Variants in TRIP11 observed in about 807,000 individuals in gnomAD.
TRIP11 encodes the protein thyroid hormone receptor interactor 11.
In TRIP11, 148 loss-of-function variants were observed where a neutral mutation model predicts 223.1. That is an observed-to-expected ratio of 0.66 (90% CI 0.58 to 0.76). The LOEUF (loss-of-function observed/expected upper bound fraction) is 0.76. TRIP11 is among the 30% of genes least tolerant of loss of function. The pLI, the probability that TRIP11 is intolerant of heterozygous loss-of-function variation, is 0.00. For synonymous variants in TRIP11, 762 were observed against 772.6 expected (o/e 0.99, Z 0.23); for missense variants, 2,043 against 2,222.0 (o/e 0.92, Z 1.62).
Position 91,967,079 on chromosome 14 carries a change from A to G in TRIP11, c.*2594T>C, listed in dbSNP as rs2056348398. ...TGGTTTAGATCAACGAACACTTAGT[A>G]TACATACCAGTCAGCTATAGTTTCA... On this transcript the variant is annotated 3_prime_UTR_variant, in exon 21 of 21. Coordinates refer to ENST00000267622, the MANE Select transcript of TRIP11 (RefSeq NM_004239.4). The G allele has an allele frequency of 5.5e-6, 1 of 181,920 alleles. No individual in the cohort carries two copies. The highest frequency in any genetic ancestry group is 2.4e-5 in the African/African-American group (1 of 41,978). 11.3% of individuals were successfully genotyped at this position (181,920 alleles called of 1,614,324 possible). A position where few individuals can be genotyped will look rare whatever the true frequency, so the allele number is the denominator to read the frequency against.
rs2056904397 is a variant in TRIP11, at chr14:92,006,436, T to A, written c.1540A>T (p.Ile514Leu). ...TGTTGTTTTGATAGCTGATCTTTTA[T>A]CAAAATCATGTGCTGAAAGAAAAAT... ...NQEATKHMIL[I>L]KDQLSKQQNE... The change falls in exon 11 of 21, where the codon ATA becomes TTA. Residue 514 changes from isoleucine to leucine, a missense_variant. By Grantham distance (5) the Ile-to-Leu change is conservative. Coordinates refer to ENST00000267622, the MANE Select transcript of TRIP11 (RefSeq NM_004239.4). The A allele has an allele frequency of 6.2e-7, 1 of 1,612,506 alleles. No homozygotes were observed. The highest frequency in any genetic ancestry group is 8.5e-7 in the Non-Finnish European group (1 of 1,179,732).
intron 15 of TRIP11, among the ~76,000 whole-genome samples, chr14:91,988,709 C>A (rs1231217399): frequency 6.8e-6 from 1 of 147,854 alleles, no homozygotes; most frequent in African/African-American, 2.5e-5. Flanking sequence ...AATATAGCAA[C>A]AAATGTTCTC....
Position 91,975,217 on chromosome 14 carries a change from C to G in TRIP11, c.5412G>C (p.Arg1804=). The G allele has an allele frequency of 6.2e-7, 1 of 1,613,832 alleles. No homozygotes were observed. Among genetic ancestry groups the G allele is most frequent in the Middle Eastern group, 1.7e-4 (1 of 6,054 alleles). ...TPKNQRHEVL[R]LMGSILGVRR... ...TGACGCCCAGGATGCTCCCCATTAA[C>G]CGTAACACTTCATGACGCTGATTTT... The change falls in exon 18 of 21, where the codon CGG becomes CGC. Residue 1804 remains arginine (R), a synonymous_variant. Transcript: ENST00000267622.
Position 92,005,418 on chromosome 14 carries a change from C to T in TRIP11, c.2558G>A (p.Arg853Gln), listed in dbSNP as rs749954388. ...ILRQTIEEKD[R>Q]SLGSMKEENN... ...TTCCTCTTTCATGGATCCAAGACTT[C>T]GGTCTTTTTCCTCTATGGTCTGTCT... The change falls in exon 11 of 21, where the codon CGA becomes CAA. Residue 853 changes from arginine to glutamine, a missense_variant. Arg to Gln is a conservative substitution (Grantham distance 43, BLOSUM62 1). Transcript: ENST00000267622. 3.7e-6 allele frequency: 6 copies of T among 1,613,930 alleles called. No homozygotes were observed. The highest frequency in any genetic ancestry group is 2.2e-5 in the East Asian group (1 of 44,892).
chr14:91,986,658 T>C (rs1412761133), intron 16 of TRIP11, among the ~76,000 whole-genome samples: 11 of 152,158 alleles, frequency 7.2e-5, no homozygotes, highest in Non-Finnish European at 5.9e-5. Flanking sequence ...TAGCACTGAG[T>C]TGTCACAAAG....
chr14:91,967,887 C>A lies in TRIP11; in HGVS notation c.*1786G>T. On this transcript the variant is annotated 3_prime_UTR_variant, in exon 21 of 21. Coordinates refer to ENST00000267622, the MANE Select transcript of TRIP11 (RefSeq NM_004239.4). ...CAACTCACAGAGAAATAATAATAGG[C>A]AAAAACCAAGAGGCAGTTTGACAGT... 5.0e-6 allele frequency: 1 copy of A among 200,390 alleles called. No individual in the cohort carries two copies. Among genetic ancestry groups the A allele is most frequent in the Non-Finnish European group, 1.0e-5 (1 of 97,354 alleles). 12.4% of individuals were successfully genotyped at this position (200,390 alleles called of 1,614,324 possible).
intron 18 of TRIP11, 76 bp from the exon 19 acceptor site, chr14:91,974,819 T>A: frequency 8.6e-7 from 1 of 1,161,616 alleles, no homozygotes; most frequent in East Asian, 2.6e-5. Flanking sequence ...TTTTATATAA[T>A]TTCTGATAGT....
At chr14:91,991,772 A>ATGG (rs1195755763) in intron 15 of TRIP11, among the ~76,000 whole-genome samples, 1 of 152,118 alleles carries the variant, frequency 6.6e-6, no homozygotes, top group Non-Finnish European at 1.5e-5. Context: ...CATAAACACT[A>ATGG]TGGTAAGTTT....
intron 2 of TRIP11, among the ~76,000 whole-genome samples, chr14:92,029,575 G>A (rs1382765367): frequency 6.6e-6 from 1 of 152,036 alleles, no homozygotes; most frequent in East Asian, 1.9e-4. Flanking sequence ...GCATGAGCCT[G>A]TAATCATGGA....
intron 13 of TRIP11, among the ~76,000 whole-genome samples, chr14:91,998,566 A>G (rs1451436879): frequency 6.6e-6 from 1 of 152,132 alleles, no homozygotes; most frequent in African/African-American, 2.4e-5. Flanking sequence ...TAAAAAGGGT[A>G]TATAATGTAT....
intron 1 of TRIP11, among the ~76,000 whole-genome samples, chr14:92,034,853 C>T (rs1667543926): frequency 6.6e-6 from 1 of 152,266 alleles, no homozygotes; most frequent in Non-Finnish European, 1.5e-5. Context: ...AGGCAGGTCT[C>T]GAACTCCTAG....
At chr14:92,003,382 C>T (rs746279298) in intron 11 of TRIP11, 37 bp downstream of exon 11, 6 of 1,609,560 alleles carry the variant, frequency 3.7e-6, no homozygotes, top group Non-Finnish European at 5.1e-6. Context: ...CTCCTCCACC[C>T]CCAACTTCCT....
intron 14 of TRIP11, among the ~76,000 whole-genome samples, chr14:91,995,063 C>T (rs919820325): frequency 1.0e-4 from 8 of 76,508 alleles, no homozygotes; most frequent in African/African-American, 3.2e-4. Flanking sequence ...TCCTTGTATT[C>T]TCCTCTTTAT....
intron 17 of TRIP11, among the ~76,000 whole-genome samples, chr14:91,975,905 G>GA (rs150579897): frequency 7.9e-5 from 12 of 151,964 alleles, no homozygotes; most frequent in African/African-American, 2.9e-4. Context: ...GAATGAGCTG[G>GA]AAAAAAATCC....
At chr14:91,981,006 A>ATTT (rs1405167929) in intron 16 of TRIP11, among the ~76,000 whole-genome samples, 18 of 66,114 alleles carry the variant, frequency 2.7e-4, no homozygotes, top group African/African-American at 9.8e-4. Context: ...ATATATATAT[A>ATTT]TATATATTTT....
chr14:91,968,546 T>C lies in TRIP11; in HGVS notation c.*1127A>G, dbSNP rs1030255072. ...ATTTTGCTAATTATACTTACGTAGA[T>C]GCAGCTGTATGGTTTAATGCTTATA... On this transcript the variant is annotated 3_prime_UTR_variant, in exon 21 of 21. Coordinates refer to ENST00000267622, the MANE Select transcript of TRIP11 (RefSeq NM_004239.4). 2.8e-5 allele frequency: 6 copies of C among 216,468 alleles called. No homozygotes were observed. Among genetic ancestry groups the C allele is most frequent in the African/African-American group, 9.0e-5 (4 of 44,342 alleles). The allele number at this position is 216,468 out of a possible 1,614,324, so 13.4% of individuals were successfully genotyped here. A position where few individuals can be genotyped will look rare whatever the true frequency, so the allele number is the denominator to read the frequency against.
intron 9 of TRIP11, among the ~76,000 whole-genome samples, chr14:92,009,020 G>T (rs770598462): frequency 6.6e-6 from 1 of 152,186 alleles, no homozygotes; most frequent in Non-Finnish European, 1.5e-5. Context: ...TAGAGTATCT[G>T]TATCACAATT....
chr14:92,035,468 CTGGGCCATACTGGAAGAACTGTCT>C (rs1350504757), intron 1 of TRIP11, among the ~76,000 whole-genome samples: 1 of 151,272 alleles, frequency 6.6e-6, no homozygotes, highest in Non-Finnish European at 1.5e-5. Flanking sequence ...TTTGGCTTCC[CTGGGCCATACTGGAAGAACTGTCT>C]TGGGCCATAC....
At chr14:92,007,432 C>A (rs1422818942) in intron 10 of TRIP11, among the ~76,000 whole-genome samples, 3 of 152,226 alleles carry the variant, frequency 2.0e-5, no homozygotes, top group Non-Finnish European at 4.4e-5. Context: ...GAAACATGGT[C>A]ACACTCATTT....
Sources: allele counts gnomAD v4.1 joint callset (sites outside exome capture counted in the v4.1 genomes callset), GRCh38; gene constraint gnomAD v4.1.1; transcripts MANE v1.5; gene names NCBI Gene and HGNC (gene_info 2026-07-23, HGNC 2026-07-21).